The following KLF12 variants were observed in gnomAD, a reference collection of about 807,000 sequenced individuals.
The protein encoded by KLF12 is KLF transcription factor 12, also known as Krueppel-like factor 12.
A neutral mutation model predicts 37.8 loss-of-function variants in KLF12; 9 were observed. The observed-to-expected ratio is 0.24, with a 90% CI of 0.14 to 0.42. The LOEUF is 0.42. Ranked by LOEUF, KLF12 falls within the 10% of genes least tolerant of loss-of-function variation. KLF12 has a pLI of 1.00. For synonymous variants in KLF12, 208 were observed against 202.1 expected (o/e 1.03, Z -0.25); for missense variants, 411 against 516.0 (o/e 0.80, Z 1.97).
intron 3 of KLF12, among the ~76,000 whole-genome samples, chr13:73,897,525 C>G (rs566079636): frequency 2.8e-4 from 42 of 151,236 alleles, no homozygotes; most frequent in Non-Finnish European, 4.1e-4. Flanking sequence ...ACGTGGCATT[C>G]CAGAACAGAA....
the KLF12 span, among the ~76,000 whole-genome samples, chr13:74,214,375 T>G: frequency 6.1e-4 from 93 of 152,280 alleles, no homozygotes; most frequent in African/African-American, 2.1e-3. Flanking sequence ...CTGTTCTGGC[T>G]TCCTTATTTT....
intron 1 of KLF12, among the ~76,000 whole-genome samples, chr13:74,111,367 A>G (rs957746190): frequency 1.3e-5 from 2 of 152,108 alleles, no homozygotes; most frequent in Non-Finnish European, 2.9e-5. Flanking sequence ...AGGTACCAAT[A>G]AAGTTCTTAT....
intron 3 of KLF12, among the ~76,000 whole-genome samples, chr13:73,860,603 G>A (rs1283632067): frequency 3.3e-5 from 5 of 152,094 alleles, no homozygotes; most frequent in Admixed American, 3.3e-4. Context: ...AATAAGCTGG[G>A]TGTGGTGGTG....
intron 6 of KLF12, among the ~76,000 whole-genome samples, chr13:73,748,668 T>G (rs985289368): frequency 6.6e-6 from 1 of 152,214 alleles, no homozygotes; most frequent in Admixed American, 6.5e-5. Flanking sequence ...AGCCACACAA[T>G]CTATGGTATT....
chr13:73,812,633 C>T (rs1300914555), intron 5 of KLF12, among the ~76,000 whole-genome samples: 1 of 151,276 alleles, frequency 6.6e-6, no homozygotes, highest in Non-Finnish European at 1.5e-5. Context: ...TTTCAATAAA[C>T]GAGGGCTGAA....
intron 6 of KLF12, among the ~76,000 whole-genome samples, chr13:73,752,810 G>A (rs570368955): frequency 1.1e-4 from 16 of 149,300 alleles, no homozygotes; most frequent in African/African-American, 9.9e-5. Flanking sequence ...TCTGCCTCCC[G>A]GGTTCAAGCA....
At chr13:73,758,969 T>C (rs559709247) in intron 6 of KLF12, among the ~76,000 whole-genome samples, 2 of 152,238 alleles carry the variant, frequency 1.3e-5, no homozygotes, top group African/African-American at 4.8e-5. Flanking sequence ...GTCCCCAAGC[T>C]AAATTTGAGG....
At chr13:74,063,524 G>T (rs1873734572) in intron 1 of KLF12, among the ~76,000 whole-genome samples, 2 of 152,262 alleles carry the variant, frequency 1.3e-5, no homozygotes, top group Non-Finnish European at 1.5e-5. Flanking sequence ...AATCAGCCAA[G>T]ATTTTAATGT....
At position 73,765,013 on chromosome 13, in the gene KLF12, A is replaced by G. The variant is rs747101496; in HGVS notation, c.807-13T>C. ...GGACGGATGTACCCTGTAGACAGAG[A>G]AGAATAATCCAGTCATTGAAAAAGC... On this transcript the variant is annotated splice_polypyrimidine_tract_variant and intron_variant, in intron 5 of 7. Coordinates refer to ENST00000377669, the MANE Select transcript of KLF12 (RefSeq NM_007249.5). 6.7e-7 allele frequency: 1 copy of G among 1,483,988 alleles called. No individual in the cohort carries two copies. Among genetic ancestry groups the G allele is most frequent in the Non-Finnish European group, 9.3e-7 (1 of 1,077,854 alleles). 91.9% of individuals were successfully genotyped at this position (1,483,988 alleles called of 1,614,324 possible).
chr13:73,945,108 T>C (rs1329839459), intron 2 of KLF12, among the ~76,000 whole-genome samples: 2 of 152,166 alleles, frequency 1.3e-5, no homozygotes, highest in African/African-American at 2.4e-5. Context: ...AAAAGATAAG[T>C]ATAATTTCTA....
chr13:74,242,440 A>G, the KLF12 span, among the ~76,000 whole-genome samples: 16 of 152,220 alleles, frequency 1.1e-4, no homozygotes, highest in Admixed American at 1.0e-3. Context: ...TTATAAAACC[A>G]TCAGATCTCA....
At position 73,692,035 on chromosome 13, in the gene KLF12, A is replaced by G. The variant is rs1380975666; in HGVS notation, c.*3455T>C. On this transcript the variant is annotated 3_prime_UTR_variant, in exon 8 of 8. Transcript: ENST00000377669. The stretch of plus-strand genomic sequence containing the variant: ...GAATGAAAAGTGCTCATTTTTTTAA[A>G]AAATGTGGTTTATGTTGCTGTTACT... The G allele has an allele frequency of 6.6e-6, 1 of 152,590 alleles. No individual in the cohort carries two copies. Among genetic ancestry groups the G allele is most frequent in the East Asian group, 1.9e-4 (1 of 5,194 alleles). The allele number at this position is 152,590 out of a possible 1,614,324, so 9.5% of individuals were successfully genotyped here. A position where few individuals can be genotyped will look rare whatever the true frequency, so the allele number is the denominator to read the frequency against.
intron 2 of KLF12, among the ~76,000 whole-genome samples, chr13:73,989,726 G>C (rs1475350889): frequency 2.6e-5 from 4 of 152,108 alleles, no homozygotes; most frequent in Non-Finnish European, 4.4e-5. Context: ...CCCATATAAA[G>C]ATAAGCGATA....
intron 1 of KLF12, among the ~76,000 whole-genome samples, chr13:74,025,143 A>C (rs1235677837): frequency 6.6e-6 from 1 of 152,202 alleles, no homozygotes; most frequent in Non-Finnish European, 1.5e-5. Flanking sequence ...AACAAATGCA[A>C]ATAAACTGAA....
intron 5 of KLF12, among the ~76,000 whole-genome samples, chr13:73,787,699 TATATGTA>T (rs1002313080): frequency 6.6e-6 from 1 of 152,138 alleles, no homozygotes; most frequent in African/African-American, 2.4e-5. Flanking sequence ...GGCTCCACAG[TATATGTA>T]GTGGGCAGTG....
chr13:73,701,186 C>T (rs563246135), intron 7 of KLF12, among the ~76,000 whole-genome samples: 16 of 152,278 alleles, frequency 1.1e-4, no homozygotes, highest in Admixed American at 2.6e-4. Context: ...AGTCAGACCC[C>T]TCCCAGGGCC....
chr13:73,864,995 A>G (rs772230231), intron 3 of KLF12, among the ~76,000 whole-genome samples: 3 of 152,102 alleles, frequency 2.0e-5, no homozygotes, highest in Non-Finnish European at 4.4e-5. Flanking sequence ...GACAGAAAAT[A>G]TATGATGAAA....
chr13:73,914,006 T>G (rs1888696006), intron 3 of KLF12, among the ~76,000 whole-genome samples: 2 of 152,206 alleles, frequency 1.3e-5, no homozygotes, highest in African/African-American at 4.8e-5. Context: ...TTAAACAAAT[T>G]TATTTTTAAT....
At chr13:73,931,462 A>G (rs9543494) in intron 3 of KLF12, among the ~76,000 whole-genome samples, 49,789 of 152,056 alleles carry the variant, frequency 0.33, 9,890 homozygotes, top group East Asian at 0.6. Context: ...CTCTATTTAT[A>G]TATATTTATG....
Sources: gnomAD v4.1 joint callset for allele counts (sites outside exome capture counted in the v4.1 genomes callset) on GRCh38, gnomAD v4.1.1 for gene constraint, MANE v1.5 for transcripts, NCBI Gene and HGNC (gene_info 2026-07-23, HGNC 2026-07-21) for gene names.